The following TIGAR variants were observed in gnomAD, a reference collection of about 807,000 sequenced individuals.
TIGAR encodes fructose-2,6-bisphosphatase TIGAR.
Under a neutral mutation model 17.9 loss-of-function variants are expected in TIGAR, and 7 were observed. The observed-to-expected ratio is 0.39, with a 90% CI of 0.22 to 0.73. The LOEUF is 0.73. Ranked by LOEUF, TIGAR falls within the 30% of genes least tolerant of loss-of-function variation. TIGAR has a pLI of 0.42. For missense variants in TIGAR, 258 were observed against 327.4 expected (o/e 0.79, Z 1.64); for synonymous variants, 94 against 108.6 (o/e 0.87, Z 0.84).
In TIGAR at chr12:4,356,740, A is replaced by G. The variant is rs1022154666; in HGVS notation, c.*4049A>G. 1.3e-5 allele frequency among the ~76,000 whole-genome samples: 2 copies of G among 152,146 alleles called. No individual in the cohort carries two copies. The highest frequency in any genetic ancestry group is 2.9e-5 in the Non-Finnish European group (2 of 68,024). ...AAAGTCCTCTGTGTTCCCTGTACTC[A>G]TCTTTCCCACCTTGTCTTGCCTGTT... On this transcript the variant is annotated 3_prime_UTR_variant, in exon 6 of 6. Transcript: ENST00000179259.
At chr12:4,323,239 C>T (rs1241757585) in intron 1 of TIGAR, among the ~76,000 whole-genome samples, 1 of 152,004 alleles carries the variant, frequency 6.6e-6, no homozygotes, top group East Asian at 1.9e-4. Flanking sequence ...TGGGCCACTG[C>T]ACCCCAGCCT....
rs577220645 is a variant in TIGAR, at chr12:4,358,692, A to G, written c.*6001A>G. 4.0e-4 allele frequency among the ~76,000 whole-genome samples: 60 copies of G among 150,336 alleles called. No homozygotes were observed. The highest frequency in any genetic ancestry group is 7.2e-4 in the Non-Finnish European group (49 of 67,724). On this transcript the variant is annotated 3_prime_UTR_variant, in exon 6 of 6. Coordinates refer to ENST00000179259, the MANE Select transcript of TIGAR (RefSeq NM_020375.3). ...TAGCTAATCCTTAGACCAAATTTAA[A>G]TTCTGTCAATTATTTTGTTGATGTA...
At chr12:4,336,124 A>C (rs1864655343) in intron 2 of TIGAR, among the ~76,000 whole-genome samples, 1 of 152,130 alleles carries the variant, frequency 6.6e-6, no homozygotes, top group African/African-American at 2.4e-5. Context: ...CTAAACAATT[A>C]TTTGTTCTAA....
rs1457650817 is a variant in TIGAR, at chr12:4,358,534, T to A, written c.*5843T>A. The stretch of plus-strand genomic sequence containing the variant: ...CTCCCTCTGTTTTCCCCTGAAACAT[T>A]GGAGAGTAACTTTGAGTCCTCATAC... On this transcript the variant is annotated 3_prime_UTR_variant, in exon 6 of 6. Transcript: ENST00000179259. Among the ~76,000 whole-genome samples, 1 of 152,178 alleles carries A rather than the reference T, an allele frequency of 6.6e-6. No homozygotes were observed. Among genetic ancestry groups the A allele is most frequent in the Non-Finnish European group, 1.5e-5 (1 of 68,040 alleles).
At position 4,352,239 on chromosome 12, in the gene TIGAR, CTT is replaced by C; in HGVS notation, c.382-18_382-17del. On this transcript the variant is annotated intron_variant, in intron 5 of 5. Coordinates refer to ENST00000179259, the MANE Select transcript of TIGAR (RefSeq NM_020375.3). Reference sequence around the variant, plus strand: ...AGTCATTAATGTCACTTTATTTTGACTTTTATTTCTTTTCTTGTAGGTGAAAA... The same window carrying C: ...AGTCATTAATGTCACTTTATTTTGACTTATTTCTTTTCTTGTAGGTGAAAA... 6.3e-7 allele frequency: 1 copy of C among 1,588,336 alleles called. No individual in the cohort carries two copies. Among genetic ancestry groups the C allele is most frequent in the Admixed American group, 1.8e-5 (1 of 56,390 alleles).
At position 4,358,319 on chromosome 12, in the gene TIGAR, T is replaced by G. The variant is rs1026674380; in HGVS notation, c.*5628T>G. Among the ~76,000 whole-genome samples, 1 of 151,432 alleles carries G rather than the reference T, an allele frequency of 6.6e-6. No homozygotes were observed. The highest frequency in any genetic ancestry group is 2.4e-5 in the African/African-American group (1 of 41,236). ...AAAAAAAAAGAAAAAGAAAAATCAC[T>G]GAGCTACTGTATCCTCATAGAGAAT... is the stretch of plus-strand genomic sequence containing the variant. On this transcript the variant is annotated 3_prime_UTR_variant, in exon 6 of 6. Coordinates refer to ENST00000179259, the MANE Select transcript of TIGAR (RefSeq NM_020375.3).
Position 4,353,000 on chromosome 12 carries a change from T to G in TIGAR, c.*309T>G. On this transcript the variant is annotated 3_prime_UTR_variant, in exon 6 of 6. Coordinates refer to ENST00000179259, the MANE Select transcript of TIGAR (RefSeq NM_020375.3). ...GATTAGTAACCTTGTTACAACGGTTTCTTTTTCATTTTAGCCTATTTTAAT... is the reference window on the plus strand; with the variant it reads ...GATTAGTAACCTTGTTACAACGGTTGCTTTTTCATTTTAGCCTATTTTAAT... The G allele has an allele frequency of 3.4e-6, 1 of 292,666 alleles. No homozygotes were observed. Among genetic ancestry groups the G allele is most frequent in the Non-Finnish European group, 6.4e-6 (1 of 157,254 alleles). 18.1% of individuals were successfully genotyped at this position (292,666 alleles called of 1,614,324 possible). A position where few individuals can be genotyped will look rare whatever the true frequency, so the allele number is the denominator to read the frequency against.
At chr12:4,327,811 G>A (rs756472943) in intron 1 of TIGAR, among the ~76,000 whole-genome samples, 2 of 152,008 alleles carry the variant, frequency 1.3e-5, no homozygotes, top group African/African-American at 2.4e-5. Flanking sequence ...GGGACTACAG[G>A]CACACACCAC....
chr12:4,327,445 A>G (rs1174038555), intron 1 of TIGAR, among the ~76,000 whole-genome samples: 1 of 151,828 alleles, frequency 6.6e-6, no homozygotes, highest in African/African-American at 2.4e-5. Flanking sequence ...AGGATGTGAC[A>G]TATAGAGATA....
intron 1 of TIGAR, among the ~76,000 whole-genome samples, chr12:4,329,215 GTTTA>G (rs1864578255): frequency 6.7e-6 from 1 of 149,308 alleles, no homozygotes; most frequent in South Asian, 2.1e-4. Context: ...ATATGTCACT[GTTTA>G]TTTGTTAATA....
chr12:4,357,929 T>C lies in TIGAR; in HGVS notation c.*5238T>C, dbSNP rs543154439. 1.7e-3 allele frequency among the ~76,000 whole-genome samples: 260 copies of C among 150,304 alleles called. No homozygotes were observed. Among genetic ancestry groups the C allele is most frequent in the African/African-American group, 4.5e-3 (185 of 40,796 alleles). ...CCATCCTGGCTAACACAGTGAAACCTCGTCTCCACTGAAAAATAGAAAAAA... is the reference window on the plus strand; with the variant it reads ...CCATCCTGGCTAACACAGTGAAACCCCGTCTCCACTGAAAAATAGAAAAAA... On this transcript the variant is annotated 3_prime_UTR_variant, in exon 6 of 6. Coordinates refer to ENST00000179259, the MANE Select transcript of TIGAR (RefSeq NM_020375.3).
chr12:4,353,815 CAGAG>C lies in TIGAR; in HGVS notation c.*1125_*1128del, dbSNP rs1227479494. 2.1e-5 allele frequency: 3 copies of C among 143,800 alleles called. No individual in the cohort carries two copies. The highest frequency in any genetic ancestry group is 3.0e-5 in the Non-Finnish European group (2 of 67,264). 8.9% of individuals were successfully genotyped at this position (143,800 alleles called of 1,614,324 possible). A position where few individuals can be genotyped will look rare whatever the true frequency, so the allele number is the denominator to read the frequency against. On this transcript the variant is annotated 3_prime_UTR_variant, in exon 6 of 6. Transcript: ENST00000179259. ...CACCACTTCACTCCAGCCTAGGTGA[CAGAG>C]GGGATGACAGAGGGTGCTCTGCGGG...
At chr12:4,335,583 T>C (rs1864649231) in intron 2 of TIGAR, 1 of 152,238 alleles carries the variant, frequency 6.6e-6, no homozygotes, top group Non-Finnish European at 1.5e-5. Flanking sequence ...TAGCGTGTAA[T>C]GTGGAGAGGC....
chr12:4,352,186 G>A, intron 5 of TIGAR, 74 bp from the exon 6 acceptor site: 1 of 1,323,902 alleles, frequency 7.6e-7, no homozygotes, highest in Non-Finnish European at 1.0e-6. Flanking sequence ...AATCCAGTCA[G>A]TTATGTTCTA....
chr12:4,341,729 C>T (rs1591663374), intron 3 of TIGAR, among the ~76,000 whole-genome samples: 2 of 152,264 alleles, frequency 1.3e-5, no homozygotes, highest in East Asian at 3.9e-4. Flanking sequence ...CATACCAAAA[C>T]CCCATCTGTA....
intron 3 of TIGAR, among the ~76,000 whole-genome samples, chr12:4,345,967 A>G (rs1257444689): frequency 1.3e-5 from 2 of 152,264 alleles, no homozygotes; most frequent in Non-Finnish European, 2.9e-5. Context: ...ACACTTCTCA[A>G]AAGAAGAAGT....
chr12:4,330,992 T>C (rs1216298453), intron 1 of TIGAR, among the ~76,000 whole-genome samples: 1 of 152,236 alleles, frequency 6.6e-6, no homozygotes, highest in Non-Finnish European at 1.5e-5. Context: ...TGAAATGTTA[T>C]TTGCATTATA....
chr12:4,339,990 T>G (rs776199011), intron 3 of TIGAR, among the ~76,000 whole-genome samples: 16 of 152,226 alleles, frequency 1.1e-4, no homozygotes, highest in Non-Finnish European at 2.2e-4. Context: ...TGAAAGCCTT[T>G]CCTCTAAGAT....
chr12:4,332,801 T>C (rs1864618296), intron 2 of TIGAR, among the ~76,000 whole-genome samples: 1 of 152,250 alleles, frequency 6.6e-6, no homozygotes, highest in South Asian at 2.1e-4. Context: ...ACTGGAATTA[T>C]ATATAAAATA....
Sources: gnomAD v4.1 joint callset for allele counts (sites outside exome capture counted in the v4.1 genomes callset) on GRCh38, gnomAD v4.1.1 for gene constraint, MANE v1.5 for transcripts, NCBI Gene and HGNC (gene_info 2026-07-23, HGNC 2026-07-21) for gene names.